Variants in FER1L5 observed in about 807,000 individuals in gnomAD.
FER1L5 encodes fer-1 like family member 5, also known as fer-1-like protein 5.
In FER1L5, 187 loss-of-function variants were observed where a neutral mutation model predicts 279.9. The observed-to-expected ratio is 0.67, with a 90% confidence interval of 0.59 to 0.75. The LOEUF is 0.75. Among genes scored for constraint, FER1L5 ranks in the 30% least tolerant of loss-of-function variants. The pLI is 0.00. For missense variants in FER1L5, 2,091 were observed against 2,594.4 expected, an observed-to-expected ratio of 0.81 and a Z score of 4.21; for synonymous variants, 921 against 989.7, an observed-to-expected ratio of 0.93 and a Z score of 1.30.
chr2:96,701,367 G>T (rs1157610990), intron 45 of FER1L5, among the ~76,000 whole-genome samples: 1 of 152,198 alleles, frequency 6.6e-6, no homozygotes, highest in East Asian at 1.9e-4. Flanking sequence ...GTCAACTTCA[G>T]AAGAATATAA....
At chr2:96,647,714 C>T (rs60378028) in intron 3 of FER1L5, 64 bp from the exon 4 acceptor site, 55,987 of 1,230,682 alleles carry the variant, frequency 0.045, 3,478 homozygotes, top group African/African-American at 0.28. Flanking sequence ...AAGCCCTGCC[C>T]GGGAGAGAAG....
chr2:96,695,309 G>A lies in FER1L5; in HGVS notation c.3742-200G>A, dbSNP rs1204635935. ...GGTTGGGGGACAGCGTCCCAGCCCC[G>A]AGGGCAAGCACTGATCCCTCACAGG... On this transcript the variant is annotated intron_variant, in intron 34 of 52. Coordinates refer to ENST00000624922, the MANE Select transcript of FER1L5 (RefSeq NM_001293083.2). 1.3e-5 allele frequency: 9 copies of A among 668,462 alleles called. No individual in the cohort carries two copies. The Admixed American group carries it at 1.5e-4, about 11-fold the overall frequency. 41.4% of individuals were successfully genotyped at this position (668,462 alleles called of 1,614,324 possible). A position where few individuals can be genotyped will look rare whatever the true frequency, so the allele number is the denominator to read the frequency against.
chr2:96,659,101 T>G (rs988169002), intron 9 of FER1L5, among the ~76,000 whole-genome samples: 1 of 151,744 alleles, frequency 6.6e-6, no homozygotes, highest in Non-Finnish European at 1.5e-5. Context: ...CCGGCTAATA[T>G]TTTTTGTATT....
rs1162013116 is a variant in FER1L5 at position 96,651,919 on chromosome 2, C to G, written c.532C>G (p.Gln178Glu). 6.4e-7 allele frequency: 1 copy of G among 1,552,044 alleles called. No homozygotes were observed. Among genetic ancestry groups the G allele is most frequent in the Admixed American group, 2.0e-5 (1 of 51,008 alleles). ...QVRVKVFEARQLMGNNIKPVV... is the reference protein window; with the variant it reads ...QVRVKVFEARELMGNNIKPVV... Reference sequence around the variant, plus strand: ...TCGAGTGAAGGTGTTTGAAGCCCGACAGCTCATGGGCAACAACATCAAACC... The same window carrying G: ...TCGAGTGAAGGTGTTTGAAGCCCGAGAGCTCATGGGCAACAACATCAAACC... The change falls in exon 7 of 53, where the codon CAG becomes GAG. Residue 178 changes from glutamine (Q) to glutamate (E), a missense_variant. Gln to Glu is a conservative substitution (Grantham distance 29, BLOSUM62 2). Transcript: ENST00000624922.
At chr2:96,653,855 T>C in intron 8 of FER1L5, 153 bp downstream of exon 8, 4 of 619,624 alleles carry the variant, frequency 6.5e-6, no homozygotes, top group South Asian at 6.0e-5. Context: ...GGCACCCAGA[T>C]TATTCATTCA....
At chr2:96,672,927 A>G in intron 18 of FER1L5, 150 bp from the exon 19 acceptor site, 1 of 914,830 alleles carries the variant, frequency 1.1e-6, no homozygotes, top group South Asian at 2.0e-5. Flanking sequence ...CTGGATCAGC[A>G]GGGTGCGAGG....
intron 9 of FER1L5, among the ~76,000 whole-genome samples, chr2:96,657,951 C>G (rs1274604673): frequency 6.6e-6 from 1 of 151,758 alleles, no homozygotes; most frequent in African/African-American, 2.4e-5. Flanking sequence ...TTTAATTTCT[C>G]TTGGGAAAAT....
intron 31 of FER1L5, among the ~76,000 whole-genome samples, chr2:96,693,281 C>G (rs929500027): frequency 2.6e-5 from 4 of 152,152 alleles, no homozygotes; most frequent in African/African-American, 9.7e-5. Flanking sequence ...AGGCTTCAAC[C>G]CTGGGAGGCA....
Position 96,689,396 on chromosome 2 carries a change from G to T in FER1L5, c.2525+20G>T, listed in dbSNP as rs1222719939. The T allele has an allele frequency of 6.5e-7, 1 of 1,545,392 alleles. No homozygotes were observed. Among genetic ancestry groups the T allele is most frequent in the African/African-American group, 1.4e-5 (1 of 72,760 alleles). On this transcript the variant is annotated intron_variant, in intron 25 of 52. Coordinates refer to ENST00000624922, the MANE Select transcript of FER1L5 (RefSeq NM_001293083.2). This position sits in a 1 kb window ranked among gnomAD's most constrained non-coding sequence, Gnocchi z 4.6. Reference sequence around the variant, plus strand: ...GAGAAGGTAAGGCCAGAGGGGGCAGGCCCCACCAGAGGGGACACTTCACCT... The same window carrying T: ...GAGAAGGTAAGGCCAGAGGGGGCAGTCCCCACCAGAGGGGACACTTCACCT...
At chr2:96,652,060 G>C in intron 7 of FER1L5, 40 bp downstream of exon 7, 1 of 1,550,746 alleles carries the variant, frequency 6.4e-7, no homozygotes, top group Non-Finnish European at 8.7e-7. Context: ...AGCCAGCCAA[G>C]GGCTGGGCAT....
intron 11 of FER1L5, 106 bp from the exon 12 acceptor site, chr2:96,661,562 G>T: frequency 1.3e-6 from 2 of 1,522,996 alleles, no homozygotes; most frequent in Non-Finnish European, 1.8e-6. Context: ...CTGCAGGGTT[G>T]TCCCATCCCC....
chr2:96,643,462 G>A (rs866898995), intron 1 of FER1L5, among the ~76,000 whole-genome samples: 7 of 152,080 alleles, frequency 4.6e-5, no homozygotes, highest in Middle Eastern at 3.4e-3. Context: ...CAATTCTCCT[G>A]CCTCACCCTC....
chr2:96,659,771 G>A (rs900702331), intron 9 of FER1L5, among the ~76,000 whole-genome samples: 9 of 151,866 alleles, frequency 5.9e-5, no homozygotes, highest in African/African-American at 2.2e-4. Context: ...GATTACAGGC[G>A]TGAGCCACTG....
chr2:96,662,107 C>T (rs2075976637), intron 12 of FER1L5, 108 bp from the exon 13 acceptor site: 2 of 1,129,876 alleles, frequency 1.8e-6, no homozygotes, highest in East Asian at 2.6e-5. Flanking sequence ...GCCCAGGGGG[C>T]ACCCCTCTAA....
At chr2:96,645,387 G>A (rs1169173734) in intron 1 of FER1L5, among the ~76,000 whole-genome samples, 1 of 152,156 alleles carries the variant, frequency 6.6e-6, no homozygotes, top group East Asian at 1.9e-4. Flanking sequence ...AGAATCTCAT[G>A]GAAATTAAGA....
rs951510556 is a variant in FER1L5, at chr2:96,689,483, A to G, written c.2525+107A>G. ...ACCTAGCCCCTAAGCCTGGTGCCAGAGGGCCGAGGTGCACCAGGCCAAGGG... is the reference window on the plus strand; with the variant it reads ...ACCTAGCCCCTAAGCCTGGTGCCAGGGGGCCGAGGTGCACCAGGCCAAGGG... On this transcript the variant is annotated intron_variant, in intron 25 of 52. Coordinates refer to ENST00000624922, the MANE Select transcript of FER1L5 (RefSeq NM_001293083.2). The surrounding 1 kb of genome is among the most constrained non-coding windows in gnomAD (Gnocchi z 4.6). 13 of 1,498,932 alleles carry G rather than the reference A, an allele frequency of 8.7e-6. No homozygotes were observed. The Admixed American group carries it at 2.2e-4, about 25-fold the overall frequency. 92.9% of individuals were successfully genotyped at this position (1,498,932 alleles called of 1,614,324 possible).
At chr2:96,657,065 T>TTATATATA (rs148662359) in intron 9 of FER1L5, among the ~76,000 whole-genome samples, 36 of 145,862 alleles carry the variant, frequency 2.5e-4, no homozygotes, top group African/African-American at 8.2e-4. Flanking sequence ...ATTTTTTAAT[T>TTATATATA]TATATATATA....
Position 96,691,869 on chromosome 2 carries a change from G to C in FER1L5, c.3120G>C (p.Lys1040Asn). 3 of 1,551,610 alleles carry C rather than the reference G, an allele frequency of 1.9e-6. No homozygotes were observed. Among genetic ancestry groups the C allele is most frequent in the Non-Finnish European group, 2.6e-6 (3 of 1,146,990 alleles). The change falls in exon 30 of 53, where the codon AAG becomes AAC. Residue 1040 changes from lysine to asparagine, a missense_variant. Physicochemically the swap from Lys to Asn is moderately conservative, Grantham distance 94. Transcript: ENST00000624922. This position sits in a 1 kb window ranked among gnomAD's most constrained non-coding sequence, Gnocchi z 6.0. ...ACGCTGGGAAGGAAGAGGACAGCAA[G>C]ACATGGCCATGGGGTCTGGACAGAC... Reference protein sequence around the residue: ...KYHAGKEEDSKTWPWGLDRQF... With the variant: ...KYHAGKEEDSNTWPWGLDRQF...
At chr2:96,658,657 T>C (rs2075697725) in intron 9 of FER1L5, among the ~76,000 whole-genome samples, 2 of 152,168 alleles carry the variant, frequency 1.3e-5, no homozygotes, top group Admixed American at 6.5e-5. Context: ...AGAGTTTCAG[T>C]TGCCCCACAT....
Sources: allele counts gnomAD v4.1 joint callset (sites outside exome capture counted in the v4.1 genomes callset), GRCh38; gene constraint gnomAD v4.1.1; non-coding constraint Gnocchi (gnomAD v3.1); transcripts MANE v1.5; gene names NCBI Gene and HGNC (gene_info 2026-07-23, HGNC 2026-07-21).